The following SEMA3E variants were observed in gnomAD, a reference collection of about 807,000 sequenced individuals.
The protein encoded by SEMA3E is semaphorin 3E.
SEMA3E carries 49 observed loss-of-function variants against 93.6 expected under a neutral mutation model. The observed-to-expected ratio is 0.52, with a 90% CI of 0.42 to 0.66. The LOEUF is 0.66. SEMA3E is among the 30% of genes least tolerant of loss of function. The probability of loss-of-function intolerance (pLI) is 0.00; values close to 1 mark genes in which losing one functional copy is unlikely to be tolerated. For missense variants in SEMA3E, 906 were observed against 964.8 expected, an observed-to-expected ratio of 0.94 and a Z score of 0.81; for synonymous variants, 363 against 330.7, an observed-to-expected ratio of 1.10 and a Z score of -1.06.
chr7:83,604,682 A>T (rs903810373), intron 1 of SEMA3E, among the ~76,000 whole-genome samples: 1 of 151,986 alleles, frequency 6.6e-6, no homozygotes, highest in Admixed American at 6.6e-5. Flanking sequence ...TTTGTTACAT[A>T]GGTATACGTG....
chr7:83,546,597 T>G (rs2115785352), intron 1 of SEMA3E, among the ~76,000 whole-genome samples: 1 of 152,184 alleles, frequency 6.6e-6, no homozygotes, highest in Non-Finnish European at 1.5e-5. Context: ...TAGATTTCAC[T>G]TTAGGATCAA....
At chr7:83,434,183 A>G (rs180961901) in intron 4 of SEMA3E, among the ~76,000 whole-genome samples, 57 of 152,210 alleles carry the variant, frequency 3.7e-4, no homozygotes, top group Middle Eastern at 3.4e-3. Context: ...ATGAACACCT[A>G]AATAATCTGG....
At chr7:83,594,681 T>C (rs1473710941) in intron 1 of SEMA3E, among the ~76,000 whole-genome samples, 2 of 152,116 alleles carry the variant, frequency 1.3e-5, no homozygotes, top group Admixed American at 6.6e-5. Flanking sequence ...GGATAGTGGC[T>C]CATTACTTTC....
At chr7:83,586,673 T>G (rs73380758) in intron 1 of SEMA3E, among the ~76,000 whole-genome samples, 2,728 of 151,562 alleles carry the variant, frequency 0.018, 81 homozygotes, top group African/African-American at 0.063. Context: ...GAAGAAGGGA[T>G]TATAATAGAG....
intron 4 of SEMA3E, among the ~76,000 whole-genome samples, chr7:83,428,146 C>T (rs1788810288): frequency 6.6e-6 from 1 of 152,210 alleles, no homozygotes; most frequent in Non-Finnish European, 1.5e-5. Flanking sequence ...GCCCTCAGAA[C>T]CCAGAATGTC....
intron 16 of SEMA3E, chr7:83,371,489 C>A (rs767444620): frequency 1.3e-4 from 20 of 151,994 alleles, no homozygotes; most frequent in Non-Finnish European, 2.1e-4. Flanking sequence ...TTTAATGATG[C>A]GTCAATTTGT....
At chr7:83,594,297 T>A (rs1429627235) in intron 1 of SEMA3E, among the ~76,000 whole-genome samples, 1 of 152,196 alleles carries the variant, frequency 6.6e-6, no homozygotes, top group Non-Finnish European at 1.5e-5. Flanking sequence ...TTTAGCGCTT[T>A]GTTCCATAAG....
intron 12 of SEMA3E, 87 bp from the exon 13 acceptor site, chr7:83,394,425 A>G (rs984249612): frequency 4.9e-5 from 53 of 1,084,608 alleles, no homozygotes; most frequent in Non-Finnish European, 1.4e-5. Flanking sequence ...AAATTACATT[A>G]CTTATATAAG....
chr7:83,457,589 T>A (rs1584260916), intron 4 of SEMA3E, among the ~76,000 whole-genome samples: 1 of 152,198 alleles, frequency 6.6e-6, no homozygotes, highest in Non-Finnish European at 1.5e-5. Context: ...CACTTCCTTT[T>A]CTTTCCTATT....
At position 83,368,043 on chromosome 7, in the gene SEMA3E, A is replaced by G. The variant is rs1794699166; in HGVS notation, c.1876-5T>C. 6.2e-7 allele frequency: 1 copy of G among 1,613,502 alleles called. No individual in the cohort carries two copies. The highest frequency in any genetic ancestry group is 8.5e-7 in the Non-Finnish European group (1 of 1,179,806). On this transcript the variant is annotated splice_polypyrimidine_tract_variant and splice_region_variant and intron_variant, in intron 16 of 16. Coordinates refer to ENST00000643230, the MANE Select transcript of SEMA3E (RefSeq NM_012431.3). ...CACTCTGTCATCTGTCTTCACCTGC[A>G]AAAACAAAAAAGTAAATGGCACTGA...
rs150514136 is a variant in SEMA3E, at chr7:83,571,895, T to C, written c.115+76533A>G. 2.9e-3 allele frequency among the ~76,000 whole-genome samples: 446 copies of C among 152,200 alleles called. 3 individuals are homozygous for C. Among genetic ancestry groups the C allele is most frequent in the African/African-American group, 0.01 (418 of 41,516 alleles). On this transcript the variant is annotated intron_variant, in intron 1 of 16. Coordinates refer to ENST00000643230, the MANE Select transcript of SEMA3E (RefSeq NM_012431.3). ...GTAAAGTTTCAGGGTACAAAATCAA[T>C]GTATAAACATCAGTAGCATTTTTAT...
intron 1 of SEMA3E, among the ~76,000 whole-genome samples, chr7:83,546,766 A>G (rs1791659569): frequency 6.6e-6 from 1 of 152,058 alleles, no homozygotes; most frequent in South Asian, 2.1e-4. Flanking sequence ...ATGATGAGTA[A>G]CACAGTGCAC....
intron 4 of SEMA3E, among the ~76,000 whole-genome samples, chr7:83,424,475 C>T (rs2115719263): frequency 6.6e-6 from 1 of 152,212 alleles, no homozygotes; most frequent in South Asian, 2.1e-4. Context: ...CATCTCCGGC[C>T]TACTCACATC....
Position 83,442,063 on chromosome 7 carries a change from A to C in SEMA3E, c.457-23580T>G, listed in dbSNP as rs533535720. 1.2e-3 allele frequency among the ~76,000 whole-genome samples: 179 copies of C among 152,330 alleles called. 1 individual carries two copies. The highest frequency in any genetic ancestry group is 4.2e-3 in the African/African-American group (174 of 41,574). ...ACATATTATGGAGAAAAAATGTAGA[A>C]TGTACATACATAAACCTGTAATTAA... On this transcript the variant is annotated intron_variant, in intron 4 of 16. Coordinates refer to ENST00000643230, the MANE Select transcript of SEMA3E (RefSeq NM_012431.3).
intron 1 of SEMA3E, among the ~76,000 whole-genome samples, chr7:83,624,825 C>T (rs1197939049): frequency 2.0e-5 from 3 of 152,016 alleles, no homozygotes; most frequent in African/African-American, 7.2e-5. Context: ...ATGGTATTGC[C>T]TAGGTTTTCG....
intron 1 of SEMA3E, among the ~76,000 whole-genome samples, chr7:83,566,477 AT>A (rs1415849379): frequency 1.3e-5 from 2 of 152,052 alleles, no homozygotes; most frequent in South Asian, 2.1e-4. Flanking sequence ...TCTTGGCCCC[AT>A]TATCATATAC....
intron 1 of SEMA3E, among the ~76,000 whole-genome samples, chr7:83,573,790 C>T (rs971292222): frequency 3.3e-5 from 5 of 151,680 alleles, no homozygotes; most frequent in African/African-American, 1.2e-4. Context: ...AAAATAACTG[C>T]TTATTATATA....
At chr7:83,471,517 G>C (rs1396655480) in intron 2 of SEMA3E, among the ~76,000 whole-genome samples, 6 of 151,852 alleles carry the variant, frequency 4.0e-5, no homozygotes, top group African/African-American at 1.5e-4. Flanking sequence ...AACAACTCTA[G>C]GTAACTTTAT....
chr7:83,425,531 TC>T (rs1474902396), intron 4 of SEMA3E, among the ~76,000 whole-genome samples: 1 of 152,154 alleles, frequency 6.6e-6, no homozygotes, highest in Non-Finnish European at 1.5e-5. Context: ...TTTTTTCTCA[TC>T]CTCTGGTTAA....
Sources: allele counts gnomAD v4.1 joint callset (sites outside exome capture counted in the v4.1 genomes callset), GRCh38; gene constraint gnomAD v4.1.1; transcripts MANE v1.5; gene names NCBI Gene and HGNC (gene_info 2026-07-23, HGNC 2026-07-21).